Variants in PTCHD4 observed in about 807,000 individuals in gnomAD.
PTCHD4 encodes patched domain-containing protein 4.
Under a neutral mutation model 58.1 loss-of-function variants are expected in PTCHD4, and 33 were observed. That is an observed-to-expected ratio of 0.57 (90% CI 0.43 to 0.76). The LOEUF is 0.76. PTCHD4 is among the 30% of genes least tolerant of loss of function. PTCHD4 has a pLI of 0.00. For missense variants in PTCHD4, 1,058 were observed against 1,027.1 expected (o/e 1.03, Z -0.41); for synonymous variants, 478 against 409.6 (o/e 1.17, Z -2.02).
At chr6:48,027,828 T>C (rs983688569) in intron 3 of PTCHD4, among the ~76,000 whole-genome samples, 1 of 152,146 alleles carries the variant, frequency 6.6e-6, no homozygotes, top group Non-Finnish European at 1.5e-5. Context: ...CACAACTGTC[T>C]ACTTCCTAAT....
chr6:47,952,646 A>T (rs1316051924), intron 4 of PTCHD4, among the ~76,000 whole-genome samples: 1 of 152,138 alleles, frequency 6.6e-6, no homozygotes, highest in Non-Finnish European at 1.5e-5. Flanking sequence ...TTATTTAGAT[A>T]TGCAAATGCT....
chr6:47,963,978 A>G (rs890875780), intron 4 of PTCHD4, among the ~76,000 whole-genome samples: 11 of 152,262 alleles, frequency 7.2e-5, no homozygotes, highest in African/African-American at 2.7e-4. Flanking sequence ...ACTCATTATC[A>G]AGATGAAACT....
chr6:48,070,653 A>G (rs1348534637), intron 1 of PTCHD4, among the ~76,000 whole-genome samples: 1 of 152,200 alleles, frequency 6.6e-6, no homozygotes, highest in Non-Finnish European at 1.5e-5. Context: ...TCCCAAATTC[A>G]CAAATTTTTC....
intron 4 of PTCHD4, among the ~76,000 whole-genome samples, chr6:47,996,552 A>G (rs890412792): frequency 1.3e-5 from 2 of 152,224 alleles, no homozygotes; most frequent in African/African-American, 4.8e-5. Flanking sequence ...AACAGCTAGC[A>G]GAGCCAAGGA....
intron 4 of PTCHD4, among the ~76,000 whole-genome samples, chr6:47,939,157 A>G (rs544728483): frequency 6.6e-6 from 1 of 152,294 alleles, no homozygotes; most frequent in South Asian, 2.1e-4. Context: ...TTTGGAGAAA[A>G]GGAGGTCCAA....
At chr6:47,893,520 CA>C (rs902208774) in intron 4 of PTCHD4, among the ~76,000 whole-genome samples, 6 of 152,136 alleles carry the variant, frequency 3.9e-5, no homozygotes, top group African/African-American at 1.4e-4. Context: ...GTATATGAGT[CA>C]AGGCATCAGG....
rs895770290 is a variant in PTCHD4 at position 48,001,180 on chromosome 6, C to T, written c.898+7454G>A. Among the ~76,000 whole-genome samples, 3 of 152,224 alleles carry T rather than the reference C, an allele frequency of 2.0e-5. No homozygotes were observed. The East Asian group carries it at 5.8e-4, about 29-fold the overall frequency. The stretch of plus-strand genomic sequence containing the variant: ...CAATATCATGAAAATGGCCATACTG[C>T]CCTAGGTAATTTATAGATTCAATGC... On this transcript the variant is annotated intron_variant, in intron 4 of 4. Coordinates refer to ENST00000339488, the MANE Select transcript of PTCHD4 (RefSeq NM_001384253.1).
At chr6:47,936,303 G>A (rs1466865245) in intron 4 of PTCHD4, among the ~76,000 whole-genome samples, 2 of 152,154 alleles carry the variant, frequency 1.3e-5, no homozygotes, top group Non-Finnish European at 2.9e-5. Context: ...ATGATTCTTT[G>A]TCCTGGTTTA....
intron 4 of PTCHD4, among the ~76,000 whole-genome samples, chr6:47,893,350 T>A (rs1251206704): frequency 6.6e-6 from 1 of 152,176 alleles, no homozygotes; most frequent in African/African-American, 2.4e-5. Context: ...TTGTTCCTCT[T>A]CTGTATCTAG....
chr6:48,003,133 G>A (rs1335323771), intron 4 of PTCHD4, among the ~76,000 whole-genome samples: 1 of 152,124 alleles, frequency 6.6e-6, no homozygotes, highest in Non-Finnish European at 1.5e-5. Context: ...TCAAATCTTG[G>A]ATGTCTTATT....
At position 47,869,906 on chromosome 6, in the gene PTCHD4, A is replaced by G. The variant is rs2114076113; in HGVS notation, c.*8397T>C. Among the ~76,000 whole-genome samples, 1 of 151,726 alleles carries G rather than the reference A, an allele frequency of 6.6e-6. No individual in the cohort carries two copies. The highest frequency in any genetic ancestry group is 2.1e-4 in the South Asian group (1 of 4,826). On this transcript the variant is annotated 3_prime_UTR_variant, in exon 5 of 5. Transcript: ENST00000339488. Reference sequence around the variant, plus strand: ...CTGAGGTTAGAGGAATAAGTTGCATATTATAATATTCTGTGGGGCATTTAA... The same window carrying G: ...CTGAGGTTAGAGGAATAAGTTGCATGTTATAATATTCTGTGGGGCATTTAA...
chr6:47,874,432 A>T lies in PTCHD4; in HGVS notation c.*3871T>A, dbSNP rs1430280961. Reference sequence around the variant, plus strand: ...TGCATAGTGCCGTGCATTCATAACTATTTGGTCATAAAAATATGTGACTGT... The same window carrying T: ...TGCATAGTGCCGTGCATTCATAACTTTTTGGTCATAAAAATATGTGACTGT... On this transcript the variant is annotated 3_prime_UTR_variant, in exon 5 of 5. Coordinates refer to ENST00000339488, the MANE Select transcript of PTCHD4 (RefSeq NM_001384253.1). Among the ~76,000 whole-genome samples, 1 of 151,738 alleles carries T rather than the reference A, an allele frequency of 6.6e-6. No homozygotes were observed. Among genetic ancestry groups the T allele is most frequent in the African/African-American group, 2.4e-5 (1 of 41,388 alleles).
intron 1 of PTCHD4, among the ~76,000 whole-genome samples, chr6:48,089,556 T>G (rs773285520): frequency 1.2e-4 from 18 of 151,690 alleles, no homozygotes; most frequent in Non-Finnish European, 2.5e-4. Context: ...TTTTGAAAAC[T>G]AATGTATAGA....
At chr6:47,987,043 T>A (rs1768091937) in intron 4 of PTCHD4, among the ~76,000 whole-genome samples, 1 of 152,136 alleles carries the variant, frequency 6.6e-6, no homozygotes, top group Non-Finnish European at 1.5e-5. Context: ...ATAATTGATC[T>A]ACAGTAAAAG....
rs994848624 is a variant in PTCHD4 at position 47,859,708 on chromosome 6, C to G, written c.*18595G>C. Among the ~76,000 whole-genome samples the G allele has an allele frequency of 2.6e-5, 4 of 151,906 alleles. No individual in the cohort carries two copies. Among genetic ancestry groups the G allele is most frequent in the African/African-American group, 9.7e-5 (4 of 41,376 alleles). On this transcript the variant is annotated 3_prime_UTR_variant, in exon 5 of 5. Transcript: ENST00000339488. The stretch of plus-strand genomic sequence containing the variant: ...GACAGACAATAAACAAATCCCATGA[C>G]AAATATGAAAGAAGGGAGGAGATTT...
intron 4 of PTCHD4, among the ~76,000 whole-genome samples, chr6:47,986,306 T>G (rs959570983): frequency 9.2e-5 from 14 of 152,152 alleles, no homozygotes; most frequent in Non-Finnish European, 1.8e-4. Context: ...GAGAATTAAG[T>G]CATTTAACAC....
intron 1 of PTCHD4, among the ~76,000 whole-genome samples, chr6:48,100,624 GC>G (rs1765584629): frequency 3.3e-5 from 5 of 152,132 alleles, no homozygotes; most frequent in Admixed American, 3.3e-4. Context: ...AGAATAAGAA[GC>G]CTGAGAAAAT....
intron 4 of PTCHD4, among the ~76,000 whole-genome samples, 181 bp downstream of exon 4, chr6:48,008,453 A>G (rs1762543980): frequency 6.6e-6 from 1 of 152,206 alleles, no homozygotes; most frequent in Non-Finnish European, 1.5e-5. Flanking sequence ...GGTTTTGCTT[A>G]TCCCATAATT....
rs754532299 is a variant in PTCHD4, at chr6:47,872,919, G to C, written c.*5384C>G. Among the ~76,000 whole-genome samples, 8 of 151,556 alleles carry C rather than the reference G, an allele frequency of 5.3e-5. No homozygotes were observed. Among genetic ancestry groups the C allele is most frequent in the Non-Finnish European group, 1.0e-4 (7 of 67,734 alleles). On this transcript the variant is annotated 3_prime_UTR_variant, in exon 5 of 5. Coordinates refer to ENST00000339488, the MANE Select transcript of PTCHD4 (RefSeq NM_001384253.1). ...GCAAGTGGCTTCTCTATCAGCAATA[G>C]AGAGTCCTCATTAAGTATGAAAAAA... is the stretch of plus-strand genomic sequence containing the variant.
Sources: allele counts gnomAD v4.1 joint callset (sites outside exome capture counted in the v4.1 genomes callset), GRCh38; gene constraint gnomAD v4.1.1; transcripts MANE v1.5; gene names NCBI Gene and HGNC (gene_info 2026-07-23, HGNC 2026-07-21).